Variants in STOX2 observed in about 807,000 individuals in gnomAD.
STOX2 encodes storkhead box 2.
STOX2 carries 28 observed loss-of-function variants against 60.9 expected under a neutral mutation model. The ratio of observed to expected loss-of-function variants is 0.46; its 90% CI spans 0.34 to 0.63. STOX2 has a LOEUF of 0.63. STOX2 is among the 30% of genes least tolerant of loss of function. The pLI is 0.01. For synonymous variants in STOX2, 472 were observed against 463.9 expected (o/e 1.02, Z -0.22); for missense variants, 1,024 against 1,187.7 (o/e 0.86, Z 2.03).
chr4:183,856,586 C>T lies in STOX2; in HGVS notation c.364+58531C>T, dbSNP rs1210720860. 6.6e-6 allele frequency among the ~76,000 whole-genome samples: 1 copy of T among 152,192 alleles called. No individual in the cohort carries two copies. Among genetic ancestry groups the T allele is most frequent in the Non-Finnish European group, 1.5e-5 (1 of 68,032 alleles). ...TAAAAGCCGTCCCTGCTCTCAGCCA[C>T]CTGCCCCTGGCTGACTGCAGCTAAT... On this transcript the variant is annotated intron_variant, in intron 1 of 2. Transcript: ENST00000513034. This position sits in a 1 kb window ranked among gnomAD's most constrained non-coding sequence, Gnocchi z 4.0.
At chr4:183,942,328 G>C (rs554553686) in intron 1 of STOX2, among the ~76,000 whole-genome samples, 4 of 145,210 alleles carry the variant, frequency 2.8e-5, no homozygotes, top group African/African-American at 5.0e-5. Context: ...TATGTGCCAG[G>C]CTTCTAGGTT....
At chr4:183,979,408 AC>A (rs1380623208) in intron 1 of STOX2, among the ~76,000 whole-genome samples, 1 of 152,172 alleles carries the variant, frequency 6.6e-6, no homozygotes, top group Non-Finnish European at 1.5e-5. Context: ...TTACAATTTG[AC>A]ATGAGATTTG....
chr4:184,011,166 C>T lies in STOX2; in HGVS notation c.2328C>T (p.Val776=), dbSNP rs1486759385. The change falls in exon 3 of 4, where the codon GTC becomes GTT. Residue 776 remains valine, a synonymous_variant. Transcript: ENST00000308497. This position sits in a 1 kb window ranked among gnomAD's most constrained non-coding sequence, Gnocchi z 4.4. The part of the protein sequence containing the change: ...NQEASFDYYN[V]SDDDDSEEGA... ...AAGCCTCTTTTGACTATTACAACGT[C>T]TCTGATGATGACGACTCTGAGGAAG... 2.5e-6 allele frequency: 4 copies of T among 1,584,842 alleles called. No homozygotes were observed. The Admixed American group carries it at 7.3e-5, about 29-fold the overall frequency.
rs181769232 is a variant in STOX2, at chr4:183,811,579, A to G, written c.364+13524A>G. On this transcript the variant is annotated intron_variant, in intron 1 of 2. Coordinates refer to the STOX2 transcript ENST00000513034. ...TTAAAACTGCTTATGCCAAATCAAGAAGTAAATAAAAGCAGGAAGGGGAAT... is the reference window on the plus strand; with the variant it reads ...TTAAAACTGCTTATGCCAAATCAAGGAGTAAATAAAAGCAGGAAGGGGAAT... Among the ~76,000 whole-genome samples the G allele has an allele frequency of 9.8e-5, 15 of 152,378 alleles. No individual in the cohort carries two copies. The East Asian group carries it at 2.9e-3, about 29-fold the overall frequency.
chr4:184,006,083 T>C (rs1251151125), intron 2 of STOX2, among the ~76,000 whole-genome samples: 1 of 152,216 alleles, frequency 6.6e-6, no homozygotes, highest in Non-Finnish European at 1.5e-5. Flanking sequence ...TTAATAGCTT[T>C]ATGAGTTTCC....
chr4:183,978,049 G>A (rs1732510504), intron 1 of STOX2, among the ~76,000 whole-genome samples: 1 of 152,194 alleles, frequency 6.6e-6, no homozygotes, highest in Non-Finnish European at 1.5e-5. Context: ...TGTGTAGGAT[G>A]TCTGTTTACC....
intron 1 of STOX2, among the ~76,000 whole-genome samples, chr4:183,924,718 C>T (rs1037431844): frequency 6.6e-6 from 1 of 152,016 alleles, no homozygotes; most frequent in Non-Finnish European, 1.5e-5. Flanking sequence ...ACTGATAGGC[C>T]GGCAGTGGAT....
At chr4:183,850,012 G>A (rs1357790419) in intron 1 of STOX2, among the ~76,000 whole-genome samples, 5 of 151,622 alleles carry the variant, frequency 3.3e-5, no homozygotes, top group Admixed American at 6.6e-5. Context: ...TGTCCAGGCT[G>A]TAGTGCAGTG....
Position 184,021,956 on chromosome 4 carries a change from C to G in STOX2, c.*4672C>G, listed in dbSNP as rs1393509302. ...CCATCTCCCCCAGGACCATCCCGCC[C>G]ATTGTCAACGTCATCCAGGGCTCTT... is the stretch of plus-strand genomic sequence containing the variant. On this transcript the variant is annotated 3_prime_UTR_variant, in exon 4 of 4. Transcript: ENST00000308497. The G allele has an allele frequency of 1.3e-5, 2 of 152,332 alleles. No homozygotes were observed. Among genetic ancestry groups the G allele is most frequent in the African/African-American group, 2.4e-5 (1 of 41,450 alleles). The allele number at this position is 152,332 out of a possible 1,614,324, so 9.4% of individuals were successfully genotyped here. A position where few individuals can be genotyped will look rare whatever the true frequency, so the allele number is the denominator to read the frequency against.
At chr4:183,842,657 G>C (rs1739889293) in intron 1 of STOX2, among the ~76,000 whole-genome samples, 1 of 152,148 alleles carries the variant, frequency 6.6e-6, no homozygotes, top group Non-Finnish European at 1.5e-5. Context: ...CACCATGTTG[G>C]CTGCCTATGT....
intron 1 of STOX2, among the ~76,000 whole-genome samples, chr4:183,921,584 A>C (rs1353679472): frequency 6.6e-6 from 1 of 152,228 alleles, no homozygotes; most frequent in Non-Finnish European, 1.5e-5. Flanking sequence ...ATAGGAAAAC[A>C]TAAGCTTCAT....
chr4:183,914,863 T>G, intron 1 of STOX2, among the ~76,000 whole-genome samples: 1 of 152,188 alleles, frequency 6.6e-6, no homozygotes, highest in Non-Finnish European at 1.5e-5. Flanking sequence ...ATTCTTGGAT[T>G]TGTTTTATTA....
intron 1 of STOX2, among the ~76,000 whole-genome samples, chr4:183,953,294 G>T (rs1283640006): frequency 6.6e-6 from 1 of 152,156 alleles, no homozygotes; most frequent in African/African-American, 2.4e-5. Flanking sequence ...CTTGGGAAAG[G>T]CAGATTTTTC....
chr4:183,803,878 G>T (rs949137289), intron 1 of STOX2, among the ~76,000 whole-genome samples: 1 of 152,058 alleles, frequency 6.6e-6, no homozygotes, highest in Non-Finnish European at 1.5e-5. Context: ...CAGGAGAATC[G>T]CTTGAACCTG....
intron 1 of STOX2, among the ~76,000 whole-genome samples, chr4:183,819,025 A>AGCC (rs1343833407): frequency 5.3e-4 from 78 of 146,412 alleles, no homozygotes; most frequent in African/African-American, 1.8e-3. Context: ...CCTAGATGGG[A>AGCC]TGGCGGCTGG....
chr4:183,849,400 A>G (rs928868452), intron 1 of STOX2, among the ~76,000 whole-genome samples: 1 of 152,176 alleles, frequency 6.6e-6, no homozygotes, highest in Non-Finnish European at 1.5e-5. Flanking sequence ...TCAGCCTACT[A>G]CATATGGATC....
At chr4:183,873,387 G>A (rs140238610) in intron 1 of STOX2, among the ~76,000 whole-genome samples, 415 of 151,396 alleles carry the variant, frequency 2.7e-3, no homozygotes, top group African/African-American at 9.5e-3. Flanking sequence ...CGGAGGTTGC[G>A]GTGAGCTGAG....
chr4:183,912,722 A>G (rs1337436365), intron 1 of STOX2, among the ~76,000 whole-genome samples: 3 of 152,164 alleles, frequency 2.0e-5, no homozygotes, highest in African/African-American at 4.8e-5. Flanking sequence ...CACTGATAGT[A>G]CCTGCCTTAT....
intron 1 of STOX2, among the ~76,000 whole-genome samples, chr4:183,810,017 A>G (rs751246822): frequency 1.3e-5 from 2 of 152,252 alleles, no homozygotes; most frequent in Non-Finnish European, 2.9e-5. Flanking sequence ...AACTGAATTC[A>G]TAGAGCATAA....
Sources: allele counts gnomAD v4.1 joint callset (sites outside exome capture counted in the v4.1 genomes callset), GRCh38; gene constraint gnomAD v4.1.1; non-coding constraint Gnocchi (gnomAD v3.1); transcripts MANE v1.5; gene names NCBI Gene and HGNC (gene_info 2026-07-23, HGNC 2026-07-21).